Variants in PDE1A observed in about 807,000 individuals in gnomAD.
PDE1A encodes phosphodiesterase 1A, also known as dual specificity calcium/calmodulin-dependent 3',5'-cyclic nucleotide phosphodiesterase 1A.
Under a neutral mutation model 61.7 loss-of-function variants are expected in PDE1A, and 35 were observed. That is an observed-to-expected ratio of 0.57 (90% CI 0.43 to 0.75). The LOEUF (loss-of-function observed/expected upper bound fraction) is 0.75. Ranked by LOEUF, PDE1A falls within the 30% of genes least tolerant of loss-of-function variation. The pLI is 0.00. For synonymous variants in PDE1A, 232 were observed against 213.2 expected, an observed-to-expected ratio of 1.09 and a Z score of -0.77; for missense variants, 597 against 630.6, an observed-to-expected ratio of 0.95 and a Z score of 0.57.
rs1206756083 is a variant in PDE1A at position 182,246,401 on chromosome 2, CTTTCT to C, written c.168-6114_168-6110del. Among the ~76,000 whole-genome samples the C allele has an allele frequency of 5.7e-4, 35 of 61,490 alleles. 1 individual carries two copies. The highest frequency in any genetic ancestry group is 3.1e-3 in the African/African-American group (31 of 10,146). The allele number at this position is 61,490 out of a possible 152,430, so 40.3% of individuals were successfully genotyped here. On this transcript the variant is annotated intron_variant, in intron 2 of 13. Transcript: ENST00000351439. ...TCTACTATAGTCTTTTTTCTTTTTT[CTTTCT>C]TTTTTTTTTTTTTTTTTGACAGAGT...
At chr2:182,264,865 T>G (rs1692491314) in intron 1 of PDE1A, among the ~76,000 whole-genome samples, 1 of 42,734 alleles carries the variant, frequency 2.3e-5, no homozygotes, top group Non-Finnish European at 4.3e-5. Context: ...AAAGAAAATG[T>G]GGTATATATA....
At chr2:182,663,897 T>A in the PDE1A span, among the ~76,000 whole-genome samples, 1 of 152,134 alleles carries the variant, frequency 6.6e-6, no homozygotes, top group Non-Finnish European at 1.5e-5. Context: ...TATAAAAATT[T>A]AAAATTTTTG....
intron 13 of PDE1A, among the ~76,000 whole-genome samples, chr2:182,185,261 G>A (rs778084576): frequency 8.5e-5 from 13 of 152,134 alleles, no homozygotes; most frequent in East Asian, 1.9e-4. Flanking sequence ...GAAGAGGCAG[G>A]GGCCAGATCT....
the PDE1A span, among the ~76,000 whole-genome samples, chr2:182,565,466 G>C: frequency 9.9e-3 from 1,507 of 152,194 alleles, 21 homozygotes; most frequent in African/African-American, 0.034. Flanking sequence ...TGCCCCTACT[G>C]GGGGGTGCCT....
chr2:182,584,951 A>G, the PDE1A span, among the ~76,000 whole-genome samples: 1 of 152,238 alleles, frequency 6.6e-6, no homozygotes, highest in East Asian at 1.9e-4. Flanking sequence ...ACAAAAATAC[A>G]CAAAACAAAA....
chr2:182,641,004 A>G, the PDE1A span, among the ~76,000 whole-genome samples: 1 of 82,884 alleles, frequency 1.2e-5, no homozygotes, highest in Non-Finnish European at 2.5e-5. Flanking sequence ...TGGGCAACAG[A>G]GTGAGACTCC....
intron 10 of PDE1A, 108 bp downstream of exon 10, chr2:182,201,331 A>G (rs1288434306): frequency 7.4e-7 from 1 of 1,344,368 alleles, no homozygotes; most frequent in Non-Finnish European, 1.0e-6. Context: ...GTAGGTGGCC[A>G]GTTGATAATA....
chr2:182,567,759 C>T, the PDE1A span, among the ~76,000 whole-genome samples: 3,756 of 150,924 alleles, frequency 0.025, 144 homozygotes, highest in African/African-American at 0.087. Context: ...ACGTATAAAT[C>T]ATTTTAATGT....
At chr2:182,596,192 C>T in the PDE1A span, among the ~76,000 whole-genome samples, 6 of 152,304 alleles carry the variant, frequency 3.9e-5, no homozygotes, top group Middle Eastern at 3.4e-3. Flanking sequence ...TTCTTTGGTA[C>T]GCTGGACCAG....
chr2:182,537,997 C>T, the PDE1A span, among the ~76,000 whole-genome samples: 1 of 152,148 alleles, frequency 6.6e-6, no homozygotes, highest in African/African-American at 2.4e-5. Flanking sequence ...AAGCACCCTT[C>T]TGTATGACTT....
chr2:182,411,043 T>C (rs962940670), intron 1 of PDE1A, among the ~76,000 whole-genome samples: 4 of 152,224 alleles, frequency 2.6e-5, no homozygotes, highest in African/African-American at 7.2e-5. Context: ...ATAATAATTT[T>C]CATAAATGAA....
chr2:182,249,994 A>G (rs1261931381), intron 2 of PDE1A, among the ~76,000 whole-genome samples: 1 of 152,222 alleles, frequency 6.6e-6, no homozygotes, highest in African/African-American at 2.4e-5. Context: ...TGATTTGTGC[A>G]AAGTCATTCA....
chr2:182,382,058 T>C (rs1559399190), intron 1 of PDE1A, among the ~76,000 whole-genome samples: 1 of 152,154 alleles, frequency 6.6e-6, no homozygotes, highest in South Asian at 2.1e-4. Flanking sequence ...TTTTGGTAGG[T>C]AGACTTCTAG....
intron 3 of PDE1A, among the ~76,000 whole-genome samples, chr2:182,235,293 G>A (rs1273023205): frequency 4.6e-5 from 7 of 152,072 alleles, no homozygotes; most frequent in African/African-American, 7.2e-5. Context: ...ACAGGCATGC[G>A]CCACCATGCC....
At chr2:182,480,424 T>C (rs1031783950) in intron 2 of PDE1A, among the ~76,000 whole-genome samples, 2 of 151,866 alleles carry the variant, frequency 1.3e-5, no homozygotes, top group Non-Finnish European at 2.9e-5. Context: ...TTCTGAAAAA[T>C]GGTCAGTTAA....
chr2:182,493,484 A>C (rs888593105), intron 2 of PDE1A, among the ~76,000 whole-genome samples: 1 of 152,084 alleles, frequency 6.6e-6, no homozygotes, highest in Non-Finnish European at 1.5e-5. Context: ...TCCTGTATCC[A>C]AGTGTTCTCA....
the PDE1A span, among the ~76,000 whole-genome samples, chr2:182,664,795 A>T: frequency 6.6e-6 from 1 of 152,226 alleles, no homozygotes; most frequent in South Asian, 2.1e-4. Flanking sequence ...CAAAGGCTTC[A>T]TGATACCAAG....
intron 10 of PDE1A, among the ~76,000 whole-genome samples, chr2:182,197,505 G>A (rs1434212278): frequency 1.3e-5 from 2 of 149,600 alleles, no homozygotes; most frequent in African/African-American, 2.5e-5. Flanking sequence ...CTTCTCTTGC[G>A]TTTTCCTCTA....
chr2:182,284,742 G>T (rs1694045333), intron 1 of PDE1A, among the ~76,000 whole-genome samples: 1 of 151,952 alleles, frequency 6.6e-6, no homozygotes, highest in Non-Finnish European at 1.5e-5. Context: ...CTTTATGCAA[G>T]CCTTTTGTCA....
Sources: gnomAD v4.1 joint callset for allele counts (sites outside exome capture counted in the v4.1 genomes callset) on GRCh38, gnomAD v4.1.1 for gene constraint, MANE v1.5 for transcripts, NCBI Gene and HGNC (gene_info 2026-07-23, HGNC 2026-07-21) for gene names.